SYT9: variants seen among roughly 807,000 people sequenced by gnomAD.
The protein encoded by SYT9 is synaptotagmin-9.
SYT9 carries 22 observed loss-of-function variants against 48.4 expected under a neutral mutation model. That is an observed-to-expected ratio of 0.45 (90% confidence interval 0.32 to 0.65). The LOEUF (loss-of-function observed/expected upper bound fraction) is 0.65. Among genes scored for constraint, SYT9 ranks in the 30% least tolerant of loss-of-function variants. The pLI is 0.03. For synonymous variants in SYT9, 265 were observed against 245.0 expected (o/e 1.08, Z -0.76); for missense variants, 577 against 622.0 (o/e 0.93, Z 0.77).
At chr11:7,309,352 A>G (rs1849088496) in intron 2 of SYT9, among the ~76,000 whole-genome samples, 1 of 152,020 alleles carries the variant, frequency 6.6e-6, no homozygotes, top group Non-Finnish European at 1.5e-5. Flanking sequence ...ACTTTTTTTC[A>G]TTCACTGTGC....
At chr11:7,386,683 C>T (rs1323920842) in intron 3 of SYT9, among the ~76,000 whole-genome samples, 1 of 152,124 alleles carries the variant, frequency 6.6e-6, no homozygotes, top group Non-Finnish European at 1.5e-5. Flanking sequence ...AATAGGAACA[C>T]TTTTACACTG....
chr11:7,250,255 A>T (rs909955840), upstream of SYT9, among the ~76,000 whole-genome samples: 1 of 152,180 alleles, frequency 6.6e-6, no homozygotes, highest in African/African-American at 2.4e-5. Flanking sequence ...TGTTTTTCAA[A>T]TTTGGATGTT....
intron 3 of SYT9, among the ~76,000 whole-genome samples, chr11:7,376,508 A>G (rs1235352598): frequency 6.6e-6 from 1 of 151,978 alleles, no homozygotes; most frequent in East Asian, 1.9e-4. Flanking sequence ...GCAGATTCCT[A>G]CACACCATAG....
intron 3 of SYT9, among the ~76,000 whole-genome samples, chr11:7,322,230 G>A (rs562084771): frequency 4.6e-5 from 7 of 152,266 alleles, no homozygotes; most frequent in African/African-American, 1.4e-4. Context: ...ACCCACAATT[G>A]ACTCCCCAGG....
chr11:7,353,592 G>A (rs150362713), intron 3 of SYT9, among the ~76,000 whole-genome samples: 1 of 152,348 alleles, frequency 6.6e-6, no homozygotes, highest in East Asian at 1.9e-4. Flanking sequence ...AGGGCAGGGA[G>A]GATCTCTTCC....
chr11:7,455,477 G>C (rs1158912377), intron 6 of SYT9, among the ~76,000 whole-genome samples: 1 of 151,304 alleles, frequency 6.6e-6, no homozygotes, highest in Non-Finnish European at 1.5e-5. Flanking sequence ...GGGACTACAG[G>C]CACCCGCCAC....
chr11:7,351,109 C>A (rs972764290), intron 3 of SYT9, among the ~76,000 whole-genome samples: 3 of 152,120 alleles, frequency 2.0e-5, no homozygotes, highest in African/African-American at 7.2e-5. Context: ...AAAAAATTAT[C>A]TTTAATGATT....
intron 1 of SYT9, among the ~76,000 whole-genome samples, chr11:7,280,107 A>G (rs1848467206): frequency 6.6e-6 from 1 of 152,286 alleles, no homozygotes; most frequent in Non-Finnish European, 1.5e-5. Flanking sequence ...TAGAAAAGGT[A>G]TGCATAAATA....
chr11:7,451,994 T>C (rs35721243), intron 6 of SYT9, among the ~76,000 whole-genome samples: 10,485 of 151,816 alleles, frequency 0.069, 711 homozygotes, highest in African/African-American at 0.18. Context: ...AAAATTAGTC[T>C]GCACACACAA....
intron 1 of SYT9, among the ~76,000 whole-genome samples, chr11:7,287,749 T>C (rs1848622425): frequency 6.6e-6 from 1 of 152,194 alleles, no homozygotes; most frequent in African/African-American, 2.4e-5. Flanking sequence ...TGATAAATAA[T>C]GATGACTTTT....
chr11:7,450,911 C>T (rs1848034741), intron 6 of SYT9, among the ~76,000 whole-genome samples: 1 of 152,224 alleles, frequency 6.6e-6, no homozygotes, highest in Non-Finnish European at 1.5e-5. Context: ...TGGTCAGTGT[C>T]GGGATCACAC....
Position 7,252,371 on chromosome 11 carries a change from C to A in SYT9, c.145+40C>A. The A allele has an allele frequency of 7.1e-7, 1 of 1,401,868 alleles. No individual in the cohort carries two copies. Among genetic ancestry groups the A allele is most frequent in the Non-Finnish European group, 9.3e-7 (1 of 1,076,190 alleles). 86.8% of individuals were successfully genotyped at this position (1,401,868 alleles called of 1,614,324 possible). ...CGCCGCCTGGAGGGACCTAAGGGCC[C>A]TGGGCTGGGACTTGGGGCCGCACCG... On this transcript the variant is annotated intron_variant, in intron 1 of 6. Coordinates refer to ENST00000318881, the MANE Select transcript of SYT9 (RefSeq NM_175733.4). The surrounding 1 kb of genome is among the most constrained non-coding windows in gnomAD (Gnocchi z 6.3).
At chr11:7,376,151 T>G (rs2134037871) in intron 3 of SYT9, among the ~76,000 whole-genome samples, 1 of 152,214 alleles carries the variant, frequency 6.6e-6, no homozygotes, top group South Asian at 2.1e-4. Context: ...CACCTCTGCT[T>G]TGTATTCCCA....
intron 1 of SYT9, among the ~76,000 whole-genome samples, chr11:7,244,448 T>C (rs1200311381): frequency 6.6e-6 from 1 of 152,204 alleles, no homozygotes; most frequent in Non-Finnish European, 1.5e-5. Context: ...GCTCACAGAT[T>C]AAAGGCTATT....
At chr11:7,350,776 C>T (rs185599998) in intron 3 of SYT9, among the ~76,000 whole-genome samples, 14 of 152,198 alleles carry the variant, frequency 9.2e-5, no homozygotes, top group Admixed American at 6.5e-4. Flanking sequence ...TTCCAGAAGA[C>T]GTGATGTAGA....
intron 6 of SYT9, among the ~76,000 whole-genome samples, chr11:7,441,933 C>T (rs945382123): frequency 6.6e-6 from 1 of 152,094 alleles, no homozygotes; most frequent in Non-Finnish European, 1.5e-5. Context: ...GCCAACCTTC[C>T]AGCTATGACT....
intron 3 of SYT9, among the ~76,000 whole-genome samples, chr11:7,388,207 T>G (rs1850697183): frequency 6.6e-6 from 1 of 152,176 alleles, no homozygotes; most frequent in South Asian, 2.1e-4. Flanking sequence ...GAGTCAGTAT[T>G]TCTCATATCT....
At chr11:7,453,253 A>G (rs1281559440) in intron 6 of SYT9, among the ~76,000 whole-genome samples, 4 of 152,110 alleles carry the variant, frequency 2.6e-5, no homozygotes, top group African/African-American at 9.7e-5. Context: ...TTAGCCAGGC[A>G]TGGTGGCGTG....
At chr11:7,345,707 G>A (rs144835558) in intron 3 of SYT9, among the ~76,000 whole-genome samples, 85 of 152,328 alleles carry the variant, frequency 5.6e-4, no homozygotes, top group African/African-American at 1.9e-3. Flanking sequence ...CTAGGCTGGA[G>A]CTCAGAAGCA....
Sources: allele counts gnomAD v4.1 joint callset (sites outside exome capture counted in the v4.1 genomes callset), GRCh38; gene constraint gnomAD v4.1.1; non-coding constraint Gnocchi (gnomAD v3.1); transcripts MANE v1.5; gene names NCBI Gene and HGNC (gene_info 2026-07-23, HGNC 2026-07-21).